ERCC3: variants seen among roughly 807,000 people sequenced by gnomAD.
ERCC3 encodes the protein general transcription and DNA repair factor IIH helicase/translocase subunit XPB.
In ERCC3, 66 loss-of-function variants were observed where a neutral mutation model predicts 94.2. That is an observed-to-expected ratio of 0.70 (90% CI 0.57 to 0.86). The LOEUF is 0.86. Ranked by LOEUF, ERCC3 falls within the 40% of genes least tolerant of loss-of-function variation. ERCC3 has a pLI of 0.00. For synonymous variants in ERCC3, 349 were observed against 369.1 expected, an observed-to-expected ratio of 0.95 and a Z score of 0.63; for missense variants, 829 against 987.1, an observed-to-expected ratio of 0.84 and a Z score of 2.15.
At chr2:127,283,381 A>C (rs766352650) in intron 8 of ERCC3, among the ~76,000 whole-genome samples, 2 of 152,190 alleles carry the variant, frequency 1.3e-5, no homozygotes, top group Non-Finnish European at 2.9e-5. Flanking sequence ...ACTCAGCACC[A>C]TGCTTTTGAG....
At position 127,271,723 on chromosome 2, in the gene ERCC3, G is replaced by A. The variant is rs1684558476; in HGVS notation, c.1828-270C>T. 1.3e-5 allele frequency among the ~76,000 whole-genome samples: 2 copies of A among 152,146 alleles called. No homozygotes were observed. Among genetic ancestry groups the A allele is most frequent in the Admixed American group, 6.5e-5 (1 of 15,278 alleles). ...AGTGACATTCAGTGCTGGGTGCCAG[G>A]AGCCCAGAGATGAGAGGGCCCTTGA... is the stretch of plus-strand genomic sequence containing the variant. On this transcript the variant is annotated intron_variant, in intron 11 of 14. Transcript: ENST00000285398. The surrounding 1 kb of genome is among the most constrained non-coding windows in gnomAD (Gnocchi z 5.0).
chr2:127,279,389 A>G lies in ERCC3; in HGVS notation c.1528-14T>C, dbSNP rs1380451750. On this transcript the variant is annotated splice_polypyrimidine_tract_variant and intron_variant, in intron 9 of 14. Transcript: ENST00000285398. This position sits in a 1 kb window ranked among gnomAD's most constrained non-coding sequence, Gnocchi z 4.7. Reference sequence around the variant, plus strand: ...AGGGCACCAGACCTGTAATACAGTAAGAACCAGGGGTCATTTTACAAGTTT... The same window carrying G: ...AGGGCACCAGACCTGTAATACAGTAGGAACCAGGGGTCATTTTACAAGTTT... 2 of 1,585,726 alleles carry G rather than the reference A, an allele frequency of 1.3e-6. No individual in the cohort carries two copies. Among genetic ancestry groups the G allele is most frequent in the South Asian group, 2.2e-5 (2 of 90,548 alleles).
Position 127,286,925 on chromosome 2 carries a change from A to T in ERCC3, c.1120T>A (p.Trp374Arg). 1 of 1,614,172 alleles carries T rather than the reference A, an allele frequency of 6.2e-7. No individual in the cohort carries two copies. Among genetic ancestry groups the T allele is most frequent in the Non-Finnish European group, 8.5e-7 (1 of 1,180,020 alleles). Residue 374 changes from tryptophan to arginine, a missense_variant, in exon 8 of 15, where the codon TGG (tryptophan) becomes AGG (arginine). By Grantham distance (101) the Trp-to-Arg change is moderately radical (BLOSUM62 -3). Transcript: ENST00000285398. ...LGNSAVSVEQ[W>R]KAQFKMWSTI... The stretch of plus-strand genomic sequence containing the variant: ...GACCACATCTTGAACTGGGCTTTCC[A>T]CTGCTCCACAGAAACAGCTGAGTTG...
At position 127,279,594 on chromosome 2, in the gene ERCC3, T is replaced by C. The variant is rs1014295079; in HGVS notation, c.1528-219A>G. ...CTGGCCAACACAGTGAAACCCAGTC[T>C]CTACTAAAAATACAAAAATTAGCTG... On this transcript the variant is annotated intron_variant, in intron 9 of 14. Coordinates refer to ENST00000285398, the MANE Select transcript of ERCC3 (RefSeq NM_000122.2). This position sits in a 1 kb window ranked among gnomAD's most constrained non-coding sequence, Gnocchi z 4.7. Among the ~76,000 whole-genome samples, 5 of 152,164 alleles carry C rather than the reference T, an allele frequency of 3.3e-5. No homozygotes were observed. Among genetic ancestry groups the C allele is most frequent in the African/African-American group, 1.2e-4 (5 of 41,518 alleles).
At chr2:127,267,410 A>ACTATT (rs1192913475) in intron 12 of ERCC3, among the ~76,000 whole-genome samples, 1 of 149,782 alleles carries the variant, frequency 6.7e-6, no homozygotes, top group Non-Finnish European at 1.5e-5. Context: ...ATGCAAGAAT[A>ACTATT]GTGACCCCCT....
At position 127,271,380 on chromosome 2, in the gene ERCC3, C is replaced by A; in HGVS notation, c.1901G>T (p.Arg634Leu). The A allele has an allele frequency of 6.2e-7, 1 of 1,614,106 alleles. No homozygotes were observed. The highest frequency in any genetic ancestry group is 8.5e-7 in the Non-Finnish European group (1 of 1,180,006). Reference sequence around the variant, plus strand: ...CCGCCCTAGCCTTTGGGCTTCCTGACGCCTGGAGCCACCATGGGATGAGAT... The same window carrying A: ...CCGCCCTAGCCTTTGGGCTTCCTGAAGCCTGGAGCCACCATGGGATGAGAT... ...IQISSHGGSR[R>L]QEAQRLGRVL... The change falls in exon 12 of 15, where the codon CGT (arginine) becomes CTT (leucine). Residue 634 changes from arginine (R) to leucine (L), a missense_variant. Physicochemically the swap from Arg to Leu is moderately radical, Grantham distance 102. Coordinates refer to ENST00000285398, the MANE Select transcript of ERCC3 (RefSeq NM_000122.2). This position sits in a 1 kb window ranked among gnomAD's most constrained non-coding sequence, Gnocchi z 5.0.
Position 127,265,519 on chromosome 2 carries a change from C to T in ERCC3, c.1946-4173G>A, listed in dbSNP as rs192410309. On this transcript the variant is annotated intron_variant, in intron 12 of 14. Coordinates refer to ENST00000285398, the MANE Select transcript of ERCC3 (RefSeq NM_000122.2). ...CTGCAGCCTCTGCCTCCTGGGTTCA[C>T]GCAATTCTCCTGCCTCAGCCTCCTG... is the stretch of plus-strand genomic sequence containing the variant. Among the ~76,000 whole-genome samples, 958 of 151,994 alleles carry T rather than the reference C, an allele frequency of 6.3e-3. 9 individuals carry two copies. Among genetic ancestry groups the T allele is most frequent in the African/African-American group, 0.021 (866 of 41,454 alleles).
Position 127,279,387 on chromosome 2 carries a change from T to A in ERCC3, c.1528-12A>T. The A allele has an allele frequency of 6.3e-7, 1 of 1,593,540 alleles. No homozygotes were observed. Among genetic ancestry groups the A allele is most frequent in the Non-Finnish European group, 8.6e-7 (1 of 1,161,252 alleles). The stretch of plus-strand genomic sequence containing the variant: ...ATAGGGCACCAGACCTGTAATACAG[T>A]AAGAACCAGGGGTCATTTTACAAGT... On this transcript the variant is annotated splice_polypyrimidine_tract_variant and intron_variant, in intron 9 of 14. Transcript: ENST00000285398. The surrounding 1 kb of genome is among the most constrained non-coding windows in gnomAD (Gnocchi z 4.7).
At chr2:127,275,185 C>T (rs760954011) in intron 10 of ERCC3, among the ~76,000 whole-genome samples, 36 of 152,034 alleles carry the variant, frequency 2.4e-4, no homozygotes, top group Non-Finnish European at 3.5e-4. Context: ...GAGCAATGCC[C>T]GAGAGCCACA....
chr2:127,266,732 T>G (rs1215359440), intron 12 of ERCC3, among the ~76,000 whole-genome samples: 1 of 143,304 alleles, frequency 7.0e-6, no homozygotes, highest in Non-Finnish European at 1.5e-5. Flanking sequence ...TTTTTTTTTT[T>G]TGTGACAGAG....
intron 11 of ERCC3, 141 bp downstream of exon 11, chr2:127,272,723 CT>C (rs2104750054): frequency 1.5e-6 from 1 of 671,462 alleles, no homozygotes; most frequent in Non-Finnish European, 2.8e-6. Flanking sequence ...GCAGTGCCCC[CT>C]ATCCCTGGAC....
chr2:127,281,767 A>AC, intron 8 of ERCC3, among the ~76,000 whole-genome samples: 1 of 152,080 alleles, frequency 6.6e-6, no homozygotes, highest in South Asian at 2.1e-4. Context: ...ACACACACAC[A>AC]AACACACACA....
In ERCC3 at chr2:127,271,439, C is replaced by T. The variant is rs750922401; in HGVS notation, c.1842G>A (p.Ser614=). ...TIFISKVGDT[S]FDLPEANVLI... is the part of the protein sequence containing the mutation. ...GGACATTTGCTTCCGGCAGATCAAA[C>T]GAAGTGTCACCTACCTACAGAAACA... Residue 614 remains serine (S), a synonymous_variant, in exon 12 of 15, where the codon TCG becomes TCA. Transcript: ENST00000285398. This position sits in a 1 kb window ranked among gnomAD's most constrained non-coding sequence, Gnocchi z 5.0. 14 of 1,612,982 alleles carry T rather than the reference C, an allele frequency of 8.7e-6. No individual in the cohort carries two copies. Among genetic ancestry groups the T allele is most frequent in the African/African-American group, 5.4e-5 (4 of 74,670 alleles).
chr2:127,293,222 T>C (rs1013356598), intron 2 of ERCC3, among the ~76,000 whole-genome samples: 1 of 152,238 alleles, frequency 6.6e-6, no homozygotes, highest in African/African-American at 2.4e-5. Context: ...TGTTACATGA[T>C]AAATGCTATT....
At position 127,294,042 on chromosome 2, in the gene ERCC3, G is replaced by A. The variant is rs1166235216; in HGVS notation, c.28+12C>T. ...GGCAGTCGTGGCTGAGCGTGCCCGC[G>A]CAACGTCTCACCGCGGTCCGCTCGG... On this transcript the variant is annotated intron_variant, in intron 1 of 14. Coordinates refer to ENST00000285398, the MANE Select transcript of ERCC3 (RefSeq NM_000122.2). 5 of 1,604,992 alleles carry A rather than the reference G, an allele frequency of 3.1e-6. No individual in the cohort carries two copies. Among genetic ancestry groups the A allele is most frequent in the Non-Finnish European group, 4.2e-6 (5 of 1,178,902 alleles).
rs1024718139 is a variant in ERCC3, at chr2:127,257,935, C to T, written c.2218-208G>A. Among the ~76,000 whole-genome samples, 2 of 152,016 alleles carry T rather than the reference C, an allele frequency of 1.3e-5. No homozygotes were observed. The highest frequency in any genetic ancestry group is 2.4e-5 in the African/African-American group (1 of 41,374). ...TCTAATCCTCAAAACTACTATAATC[C>T]ACACCTGAAAGAAGAGGAAACTGAG... On this transcript the variant is annotated intron_variant, in intron 14 of 14. Transcript: ENST00000285398. The surrounding 1 kb of genome is among the most constrained non-coding windows in gnomAD (Gnocchi z 5.4).
In ERCC3 at chr2:127,279,222, A is replaced by G; in HGVS notation, c.1681T>C (p.Phe561Leu). The G allele has an allele frequency of 6.2e-7, 1 of 1,613,736 alleles. No homozygotes were observed. Among genetic ancestry groups the G allele is most frequent in the East Asian group, 2.2e-5 (1 of 44,890 alleles). ...HERRNDKIIV[F>L]ADNVFALKEY... ...TTTAGGGCAAACACATTGTCAGCAA[A>G]GACAATAATCTTGTCATTCCTCCTT... The change falls in exon 10 of 15, where the codon TTT becomes CTT. Residue 561 changes from phenylalanine (F) to leucine (L), a missense_variant. Physicochemically the swap from Phe to Leu is conservative, Grantham distance 22. Coordinates refer to ENST00000285398, the MANE Select transcript of ERCC3 (RefSeq NM_000122.2). The surrounding 1 kb of genome is among the most constrained non-coding windows in gnomAD (Gnocchi z 4.7).
chr2:127,266,333 C>CT (rs58029182), intron 12 of ERCC3, among the ~76,000 whole-genome samples: 11,139 of 110,442 alleles, frequency 0.1, 1,072 homozygotes, highest in African/African-American at 0.18. Context: ...TTTATTGAGT[C>CT]TTTTTTTTTT....
Position 127,288,676 on chromosome 2 carries a change from G to T in ERCC3, c.1011C>A (p.Val337=), listed in dbSNP as rs961366896. 1.2e-6 allele frequency: 2 copies of T among 1,614,086 alleles called. No homozygotes were observed. Among genetic ancestry groups the T allele is most frequent in the East Asian group, 4.5e-5 (2 of 44,874 alleles). ...MFGNGRARSG[V]IVLPCGAGKS... is the part of the protein sequence containing the mutation. The stretch of plus-strand genomic sequence containing the variant: ...ACCACTTACCGCAGGGAAGAACAAT[G>T]ACCCCCGAACGTGCACGCCCGTTTC... The change falls in exon 7 of 15, where the codon GTC becomes GTA. Residue 337 remains valine (V), a synonymous_variant. Coordinates refer to ENST00000285398, the MANE Select transcript of ERCC3 (RefSeq NM_000122.2).
Sources: gnomAD v4.1 joint callset for allele counts (sites outside exome capture counted in the v4.1 genomes callset) on GRCh38, gnomAD v4.1.1 for gene constraint, Gnocchi (gnomAD v3.1) non-coding constraint, MANE v1.5 for transcripts, NCBI Gene and HGNC (gene_info 2026-07-23, HGNC 2026-07-21) for gene names.